The following CACNA1D variants were observed in gnomAD, a reference collection of about 807,000 sequenced individuals.
CACNA1D encodes calcium voltage-gated channel subunit alpha1 D, also known as voltage-dependent L-type calcium channel subunit alpha-1D.
In CACNA1D, 55 loss-of-function variants were observed where a neutral mutation model predicts 257.1. The ratio of observed to expected loss-of-function variants is 0.21; its 90% confidence interval spans 0.17 to 0.27. The LOEUF is 0.27. Among genes scored for constraint, CACNA1D ranks in the 10% least tolerant of loss-of-function variants. The pLI, the probability that CACNA1D is intolerant of heterozygous loss-of-function variation, is 1.00. For missense variants in CACNA1D, 1,876 were observed against 2,784.0 expected (o/e 0.67, Z 7.34); for synonymous variants, 980 against 1,014.9 (o/e 0.97, Z 0.65).
chr3:53,613,554 G>C (rs1432436449), intron 3 of CACNA1D, among the ~76,000 whole-genome samples: 1 of 152,132 alleles, frequency 6.6e-6, no homozygotes, highest in Non-Finnish European at 1.5e-5. Context: ...CTGTGTGTGT[G>C]TGTGTGTGTG....
At chr3:53,703,091 C>T (rs928267348) in intron 9 of CACNA1D, among the ~76,000 whole-genome samples, 9 of 152,226 alleles carry the variant, frequency 5.9e-5, no homozygotes, top group African/African-American at 1.9e-4. Flanking sequence ...ATTCAGTAAG[C>T]GCATTTCTGT....
intron 3 of CACNA1D, among the ~76,000 whole-genome samples, chr3:53,568,203 C>T (rs547218927): frequency 4.6e-5 from 7 of 152,276 alleles, no homozygotes; most frequent in East Asian, 3.9e-4. Flanking sequence ...CACCCTCTTA[C>T]GGACCTGCAG....
At chr3:53,682,998 G>T (rs966044917) in intron 8 of CACNA1D, among the ~76,000 whole-genome samples, 1 of 152,180 alleles carries the variant, frequency 6.6e-6, no homozygotes, top group African/African-American at 2.4e-5. Context: ...TAGAATTATG[G>T]CAGAGAGGGA....
At chr3:53,587,413 T>C (rs1210472378) in intron 3 of CACNA1D, among the ~76,000 whole-genome samples, 1 of 152,158 alleles carries the variant, frequency 6.6e-6, no homozygotes, top group African/African-American at 2.4e-5. Context: ...TAGGTAACTT[T>C]TTACATTACA....
intron 3 of CACNA1D, among the ~76,000 whole-genome samples, chr3:53,642,673 A>C (rs1268660758): frequency 6.6e-6 from 1 of 152,242 alleles, no homozygotes; most frequent in Non-Finnish European, 1.5e-5. Context: ...CATGTCCTTG[A>C]AGCTGGGCTC....
At chr3:53,733,586 C>A (rs1209270037) in intron 19 of CACNA1D, among the ~76,000 whole-genome samples, 1 of 152,134 alleles carries the variant, frequency 6.6e-6, no homozygotes, top group East Asian at 1.9e-4. Context: ...TCACAAGGAA[C>A]AGGGTAATGA....
At chr3:53,752,659 A>T (rs1402594603) in intron 28 of CACNA1D, among the ~76,000 whole-genome samples, 1 of 152,114 alleles carries the variant, frequency 6.6e-6, no homozygotes, top group Non-Finnish European at 1.5e-5. Flanking sequence ...CAGCCTCCCA[A>T]AGTGCTGGTA....
rs1273435267 is a variant in CACNA1D at position 53,747,511 on chromosome 3, C to T, written c.3314+63C>T. 3 of 1,517,282 alleles carry T rather than the reference C, an allele frequency of 2.0e-6. No homozygotes were observed. The African/African-American group carries it at 4.1e-5, about 21-fold the overall frequency. 94.0% of individuals were successfully genotyped at this position (1,517,282 alleles called of 1,614,324 possible). On this transcript the variant is annotated intron_variant, in intron 26 of 47. Coordinates refer to ENST00000350061, the MANE Select transcript of CACNA1D (RefSeq NM_001128840.3). ...CTGCGTGCCCAGGGCTGAGCCCTCC[C>T]TCCTGGAGTCAGTCCCATTTCTGTT...
At chr3:53,717,103 T>C (rs553280426) in intron 9 of CACNA1D, among the ~76,000 whole-genome samples, 35 of 152,368 alleles carry the variant, frequency 2.3e-4, no homozygotes, top group African/African-American at 7.5e-4. Context: ...GCAGAGCCCA[T>C]GGGCCAAGCT....
chr3:53,639,207 C>G (rs1234993455), intron 3 of CACNA1D, among the ~76,000 whole-genome samples: 1 of 152,032 alleles, frequency 6.6e-6, no homozygotes, highest in Non-Finnish European at 1.5e-5. Context: ...TCAAGACCAG[C>G]CTGACCAACA....
At chr3:53,747,500 C>T (rs1384875959) in intron 26 of CACNA1D, 52 bp downstream of exon 26, 25 of 1,574,272 alleles carry the variant, frequency 1.6e-5, no homozygotes, top group Non-Finnish European at 2.2e-5. Context: ...GTGCCCAGGG[C>T]TGAGCCCTCC....
chr3:53,593,245 C>T (rs1052759890), intron 3 of CACNA1D, among the ~76,000 whole-genome samples: 2 of 152,010 alleles, frequency 1.3e-5, no homozygotes, highest in Non-Finnish European at 2.9e-5. Context: ...CTGATGGCCA[C>T]GAATCTAATT....
chr3:53,762,071 G>A lies in CACNA1D; in HGVS notation c.3860G>A (p.Ser1287Asn), dbSNP rs757356388. 2 of 1,611,592 alleles carry A rather than the reference G, an allele frequency of 1.2e-6. No individual in the cohort carries two copies. The highest frequency in any genetic ancestry group is 1.7e-5 in the Admixed American group (1 of 60,020). Residue 1287 changes from serine to asparagine, a missense_variant, in exon 30 of 48, where the codon AGC becomes AAC. By Grantham distance (46) the Ser-to-Asn change is conservative. Coordinates refer to ENST00000350061, the MANE Select transcript of CACNA1D (RefSeq NM_001128840.3). ...VIGSIIDVAL[S>N]EADPTESENV... ...GGCAGCATTATAGACGTGGCCCTCA[G>A]CGAAGCAGACGTGAGTATGCACCTG...
intron 40 of CACNA1D, among the ~76,000 whole-genome samples, chr3:53,796,569 G>T (rs983370485): frequency 1.3e-5 from 2 of 152,192 alleles, no homozygotes; most frequent in African/African-American, 4.8e-5. Context: ...GCAGGAGAAA[G>T]AAAGGTAAAT....
intron 8 of CACNA1D, among the ~76,000 whole-genome samples, chr3:53,700,457 G>T (rs1215647180): frequency 6.6e-6 from 1 of 152,206 alleles, no homozygotes; most frequent in Non-Finnish European, 1.5e-5. Context: ...TCAGGGATGT[G>T]ATTCTGGATT....
At chr3:53,654,862 A>T (rs187719522) in intron 4 of CACNA1D, among the ~76,000 whole-genome samples, 69 of 152,086 alleles carry the variant, frequency 4.5e-4, no homozygotes, top group African/African-American at 8.9e-4. Flanking sequence ...AATGGAATTT[A>T]AAAAAAACCC....
chr3:53,665,068 G>A (rs1354905789), intron 5 of CACNA1D, among the ~76,000 whole-genome samples: 1 of 152,208 alleles, frequency 6.6e-6, no homozygotes, highest in East Asian at 1.9e-4. Context: ...ACAGTCGTGA[G>A]TTTGCCCACA....
In CACNA1D at chr3:53,659,113, A is replaced by C. The variant is rs1199095938; in HGVS notation, c.624-1020A>C. 2.6e-5 allele frequency among the ~76,000 whole-genome samples: 4 copies of C among 152,226 alleles called. No individual in the cohort carries two copies. The South Asian group carries it at 6.2e-4, about 24-fold the overall frequency. ...ATTGGCCAGAGTTGATGCTGTTTGA[A>C]ATGGGCAAATTTTATACTTACTCTG... On this transcript the variant is annotated intron_variant, in intron 4 of 47. Coordinates refer to ENST00000350061, the MANE Select transcript of CACNA1D (RefSeq NM_001128840.3).
intron 9 of CACNA1D, among the ~76,000 whole-genome samples, chr3:53,713,845 G>T (rs1377673403): frequency 5.3e-5 from 8 of 152,158 alleles, no homozygotes; most frequent in Non-Finnish European, 1.0e-4. Context: ...TCTGGGACAT[G>T]CAGGGCTGCT....
Sources: gnomAD v4.1 joint callset for allele counts (sites outside exome capture counted in the v4.1 genomes callset) on GRCh38, gnomAD v4.1.1 for gene constraint, MANE v1.5 for transcripts, NCBI Gene and HGNC (gene_info 2026-07-23, HGNC 2026-07-21) for gene names.